The following KIAA1549 variants were observed in gnomAD, a reference collection of about 807,000 sequenced individuals.
KIAA1549 encodes KIAA1549, also known as UPF0606 protein KIAA1549.
In KIAA1549, 70 loss-of-function variants were observed where a neutral mutation model predicts 156.4. That is an observed-to-expected ratio of 0.45 (90% CI 0.37 to 0.55). The LOEUF is 0.55. Ranked by LOEUF, KIAA1549 falls within the 20% of genes least tolerant of loss-of-function variation. KIAA1549 has a pLI of 0.00. For synonymous variants in KIAA1549, 1,103 were observed against 1,066.4 expected (o/e 1.03, Z -0.67); for missense variants, 2,428 against 2,540.9 (o/e 0.96, Z 0.96).
Position 138,918,297 on chromosome 7 carries a change from T to A in KIAA1549, c.1329A>T (p.Gly443=). Residue 443 remains glycine (G), a synonymous_variant, in exon 2 of 20, where the codon GGA becomes GGT. Coordinates refer to ENST00000422774, the MANE Select transcript of KIAA1549 (RefSeq NM_001164665.2). This position sits in a 1 kb window ranked among gnomAD's most constrained non-coding sequence, Gnocchi z 4.2. ...LATSLMEKDV[G]SGDGAETLCM... ...ACAGAGTCTCGGCACCATCCCCTGA[T>A]CCCACGTCTTTCTCCATGAGGCTCG... The A allele has an allele frequency of 6.2e-7, 1 of 1,613,984 alleles. No individual in the cohort carries two copies. Among genetic ancestry groups the A allele is most frequent in the Non-Finnish European group, 8.5e-7 (1 of 1,179,892 alleles).
In KIAA1549 at chr7:138,965,214, G is replaced by A. The variant is rs112090592; in HGVS notation, c.187+15869C>T. On this transcript the variant is annotated intron_variant, in intron 1 of 19. Coordinates refer to ENST00000422774, the MANE Select transcript of KIAA1549 (RefSeq NM_001164665.2). ...GGAAGGGGAGTCAACTGTGTCGATC[G>A]TATCTGAGATGAGAAAGTTCTAGGC... Among the ~76,000 whole-genome samples, 909 of 152,250 alleles carry A rather than the reference G, an allele frequency of 6.0e-3. 14 individuals carry two copies. The highest frequency in any genetic ancestry group is 0.02 in the African/African-American group (847 of 41,534).
rs1426591743 is a variant in KIAA1549 at position 138,917,401 on chromosome 7, G to A, written c.2225C>T (p.Ala742Val). ...TTCAATGAAAGCTGAGGTAAAATGA[G>A]CTTCTGAATCCGTCAGTGAAACCGT... is the stretch of plus-strand genomic sequence containing the variant. ...ASTVSLTDSE[A>V]HFTSAFIETT... The change falls in exon 2 of 20, where the codon GCT (alanine) becomes GTT (valine). Residue 742 changes from alanine to valine, a missense_variant. Around this residue, in one of 5 missense-constraint regions of KIAA1549, gnomAD observed 762 missense variants for 901.6 expected, o/e 0.85. Coordinates refer to ENST00000422774, the MANE Select transcript of KIAA1549 (RefSeq NM_001164665.2). 6.2e-7 allele frequency: 1 copy of A among 1,613,828 alleles called. No homozygotes were observed. The highest frequency in any genetic ancestry group is 8.5e-7 in the Non-Finnish European group (1 of 1,179,856).
chr7:138,956,625 C>G (rs992034533), intron 1 of KIAA1549, among the ~76,000 whole-genome samples: 1 of 152,148 alleles, frequency 6.6e-6, no homozygotes, highest in Non-Finnish European at 1.5e-5. Context: ...GTAAGACGTG[C>G]CTCTCACCTT....
chr7:138,838,148 C>T lies in KIAA1549; in HGVS notation c.5611G>A (p.Gly1871Arg), dbSNP rs1002263694. Residue 1871 changes from glycine (G) to arginine (R), a missense_variant, in exon 20 of 20, where the codon GGA (glycine) becomes AGA (arginine). This residue lies in a region of KIAA1549 where 363 missense variants were observed against 354.0 expected (regional missense o/e 1.03). Transcript: ENST00000422774. Reference protein sequence around the residue: ...AGRREATHMLGHQEYSSSPLF... With the variant: ...AGRREATHMLRHQEYSSSPLF... Reference sequence around the variant, plus strand: ...GGTGAAGAAGAATACTCTTGATGTCCGAGCATGTGTGTCTGAAAAACATGG... The same window carrying T: ...GGTGAAGAAGAATACTCTTGATGTCTGAGCATGTGTGTCTGAAAAACATGG... The T allele has an allele frequency of 1.1e-5, 16 of 1,473,254 alleles. 1 individual carries two copies. In the Admixed American group the frequency reaches 1.3e-4, roughly 12 times the overall value. 91.3% of individuals were successfully genotyped at this position (1,473,254 alleles called of 1,614,324 possible). A position where few individuals can be genotyped will look rare whatever the true frequency, so the allele number is the denominator to read the frequency against.
rs140890453 is a variant in KIAA1549 at position 138,918,751 on chromosome 7, G to A, written c.875C>T (p.Pro292Leu). 2,143 of 1,613,850 alleles carry A rather than the reference G, an allele frequency of 1.3e-3. 32 individuals carry two copies. The African/African-American group carries it at 0.025, about 19-fold the overall frequency. Reference sequence around the variant, plus strand: ...CGGTATAGTAATGCCGTCGCCTAACGGCTGTGGCATTAAAGACCGGGAGCT... The same window carrying A: ...CGGTATAGTAATGCCGTCGCCTAACAGCTGTGGCATTAAAGACCGGGAGCT... The part of the protein sequence containing the change: ...FLSSRSLMPQ[P>L]LGDGITIPLP... Residue 292 changes from proline to leucine, a missense_variant, in exon 2 of 20, where the codon CCG (proline) becomes CTG (leucine). By Grantham distance (98) the Pro-to-Leu change is moderately conservative. This residue lies in a region of KIAA1549 where 893 missense variants were observed against 847.9 expected (regional missense o/e 1.05). Coordinates refer to ENST00000422774, the MANE Select transcript of KIAA1549 (RefSeq NM_001164665.2). The surrounding 1 kb of genome is among the most constrained non-coding windows in gnomAD (Gnocchi z 4.2).
At chr7:138,877,457 G>A (rs939874112) in intron 12 of KIAA1549, among the ~76,000 whole-genome samples, 2 of 152,154 alleles carry the variant, frequency 1.3e-5, no homozygotes, top group Non-Finnish European at 2.9e-5. Flanking sequence ...TAGCACCACT[G>A]CCCTACAGCC....
Position 138,918,516 on chromosome 7 carries a change from G to A in KIAA1549, c.1110C>T (p.Ser370=). Reference sequence around the variant, plus strand: ...ATGAAACATCAGTTGGTGAAGCAGAGGACGCAAATGCAAGAGGAGTTGAAA... The same window carrying A: ...ATGAAACATCAGTTGGTGAAGCAGAAGACGCAAATGCAAGAGGAGTTGAAA... ...PLLSTPLAFA[S]SASPTDVSSN... is the part of the protein sequence containing the mutation. Residue 370 remains serine, a synonymous_variant, in exon 2 of 20, where the codon TCC becomes TCT. Transcript: ENST00000422774. This position sits in a 1 kb window ranked among gnomAD's most constrained non-coding sequence, Gnocchi z 4.2. 1.9e-6 allele frequency: 3 copies of A among 1,614,034 alleles called. No homozygotes were observed. Among genetic ancestry groups the A allele is most frequent in the Non-Finnish European group, 2.5e-6 (3 of 1,179,896 alleles).
chr7:138,957,190 GT>G (rs150079192), intron 1 of KIAA1549, among the ~76,000 whole-genome samples: 14,380 of 152,230 alleles, frequency 0.094, 744 homozygotes, highest in African/African-American at 0.12. Context: ...GAGCAATACG[GT>G]TAACAGGAGA....
rs1811238001 is a variant in KIAA1549, at chr7:138,881,369, C to T, written c.4229+19G>A. The stretch of plus-strand genomic sequence containing the variant: ...GCATGCTCTGCAACAAAGAATAATA[C>T]AGAAAGCCCAATAATAACCTTCCTC... On this transcript the variant is annotated intron_variant, in intron 11 of 19. Coordinates refer to ENST00000422774, the MANE Select transcript of KIAA1549 (RefSeq NM_001164665.2). The T allele has an allele frequency of 6.2e-7, 1 of 1,605,676 alleles. No individual in the cohort carries two copies.
Position 138,837,987 on chromosome 7 carries a change from C to G in KIAA1549, c.5772G>C (p.Ser1924=). ...CGCGGATTGCTTTGATGAGAGAGGC[C>G]GAGGAGTGGCCAGGCTGGAGGTCTT... ...STEDLQPGHS[S]ASLIKAIREE... Residue 1924 remains serine, a synonymous_variant, in exon 20 of 20, where the codon TCG becomes TCC. Coordinates refer to ENST00000422774, the MANE Select transcript of KIAA1549 (RefSeq NM_001164665.2). 6.2e-7 allele frequency: 1 copy of G among 1,613,324 alleles called. No homozygotes were observed. The highest frequency in any genetic ancestry group is 8.5e-7 in the Non-Finnish European group (1 of 1,179,704).
chr7:138,930,749 G>A (rs73168960), intron 1 of KIAA1549, among the ~76,000 whole-genome samples: 10,696 of 152,240 alleles, frequency 0.07, 515 homozygotes, highest in Admixed American at 0.12. Context: ...AGCTTTCTCC[G>A]TATCAGCAAC....
chr7:138,932,977 C>T (rs895695980), intron 1 of KIAA1549, among the ~76,000 whole-genome samples: 4 of 152,176 alleles, frequency 2.6e-5, no homozygotes, highest in Admixed American at 1.3e-4. Flanking sequence ...AAACCAGGAA[C>T]GGGAGGTGAC....
Position 138,981,079 on chromosome 7 carries a change from T to C in KIAA1549, c.187+4A>G. ...CGCGTTCCGAGGGTCTCGGCGGAGC[T>C]TACCTGGGGCGCACGAGGCCGGCCG... On this transcript the variant is annotated splice_donor_region_variant and intron_variant, in intron 1 of 19. Transcript: ENST00000422774. This position sits in a 1 kb window ranked among gnomAD's most constrained non-coding sequence, Gnocchi z 4.5. 4.1e-6 allele frequency: 5 copies of C among 1,223,218 alleles called. No homozygotes were observed. The highest frequency in any genetic ancestry group is 5.1e-6 in the Non-Finnish European group (5 of 981,818). The allele number at this position is 1,223,218 out of a possible 1,614,324, so 75.8% of individuals were successfully genotyped here. A position where few individuals can be genotyped will look rare whatever the true frequency, so the allele number is the denominator to read the frequency against.
chr7:138,947,807 G>C (rs955088330), intron 1 of KIAA1549, among the ~76,000 whole-genome samples: 24 of 151,982 alleles, frequency 1.6e-4, no homozygotes, highest in African/African-American at 5.3e-4. Flanking sequence ...CTGTTGCCCA[G>C]GCTGCAGTAC....
chr7:138,832,580 T>C lies in KIAA1549; in HGVS notation c.*5326A>G, dbSNP rs959840081. 1.6e-4 allele frequency: 34 copies of C among 206,394 alleles called. No homozygotes were observed. Among genetic ancestry groups the C allele is most frequent in the Middle Eastern group, 1.6e-3 (1 of 616 alleles). 12.8% of individuals were successfully genotyped at this position (206,394 alleles called of 1,614,324 possible). A position where few individuals can be genotyped will look rare whatever the true frequency, so the allele number is the denominator to read the frequency against. On this transcript the variant is annotated 3_prime_UTR_variant, in exon 20 of 20. Coordinates refer to ENST00000422774, the MANE Select transcript of KIAA1549 (RefSeq NM_001164665.2). Reference sequence around the variant, plus strand: ...GAAAAGGAAGGATCCTGGATAATTATCTACCCTGTGGGAAGCCATTTTAAC... The same window carrying C: ...GAAAAGGAAGGATCCTGGATAATTACCTACCCTGTGGGAAGCCATTTTAAC...
At chr7:138,889,850 C>T (rs1584733334) in intron 10 of KIAA1549, among the ~76,000 whole-genome samples, 1 of 152,240 alleles carries the variant, frequency 6.6e-6, no homozygotes, top group Non-Finnish European at 1.5e-5. Flanking sequence ...TGCCCCTCCT[C>T]CCTTAGATAA....
intron 1 of KIAA1549, among the ~76,000 whole-genome samples, chr7:138,966,636 G>A (rs1400610084): frequency 6.6e-6 from 1 of 151,736 alleles, no homozygotes; most frequent in Non-Finnish European, 1.5e-5. Flanking sequence ...TAGCCATGCT[G>A]GCAGCTGATT....
intron 1 of KIAA1549, among the ~76,000 whole-genome samples, chr7:138,961,817 A>G: frequency 6.7e-6 from 1 of 149,044 alleles, no homozygotes. Flanking sequence ...ACTCCAGCCT[A>G]GGTGACAGAT....
chr7:138,946,367 T>A (rs1584776278), intron 1 of KIAA1549, among the ~76,000 whole-genome samples: 1 of 152,346 alleles, frequency 6.6e-6, no homozygotes. Context: ...ACACAGGGCA[T>A]CTTCAGTGAA....
Sources: allele counts gnomAD v4.1 joint callset (sites outside exome capture counted in the v4.1 genomes callset), GRCh38; gene constraint gnomAD v4.1.1; regional missense constraint gnomAD v4.1.1; non-coding constraint Gnocchi (gnomAD v3.1); transcripts MANE v1.5; gene names NCBI Gene and HGNC (gene_info 2026-07-23, HGNC 2026-07-21).